The following PHTF2 variants were observed in gnomAD, a reference collection of about 807,000 sequenced individuals.
The protein encoded by PHTF2 is putative homeodomain transcription factor 2.
Under a neutral mutation model 101.2 loss-of-function variants are expected in PHTF2, and 60 were observed. The ratio of observed to expected loss-of-function variants is 0.59; its 90% CI spans 0.48 to 0.73. The LOEUF is 0.73. Ranked by LOEUF, PHTF2 falls within the 30% of genes least tolerant of loss-of-function variation. The pLI, the probability that PHTF2 is intolerant of heterozygous loss-of-function variation, is 0.00. For synonymous variants in PHTF2, 311 were observed against 307.3 expected (o/e 1.01, Z -0.13); for missense variants, 747 against 908.7 (o/e 0.82, Z 2.29).
exon 20 of PHTF2, chr7:77,956,772 C>CTAT (rs1807012929): frequency 6.6e-6 from 1 of 152,400 alleles, no homozygotes; most frequent in South Asian, 2.1e-4. Flanking sequence ...AAAGATGAAA[C>CTAT]TATTGTATCT....
At chr7:77,937,660 T>A (rs1355760358) in intron 12 of PHTF2, 50 bp from the exon 12 acceptor site, 15 of 700,618 alleles carry the variant, frequency 2.1e-5, no homozygotes, top group Non-Finnish European at 3.2e-5. Flanking sequence ...ACACACATTT[T>A]ATTTATTAAA....
intron 1 of PHTF2, among the ~76,000 whole-genome samples, chr7:77,807,559 G>A (rs1191767861): frequency 1.3e-5 from 2 of 151,992 alleles, no homozygotes; most frequent in African/African-American, 4.8e-5. Context: ...TTGATTTTTT[G>A]TTACTGAGTT....
rs536390503 is a variant in PHTF2 at position 77,886,884 on chromosome 7, A to C, written c.148-6724A>C. Among the ~76,000 whole-genome samples the C allele has an allele frequency of 3.3e-5, 5 of 152,058 alleles. No individual in the cohort carries two copies. In the East Asian group the frequency reaches 9.7e-4, roughly 30 times the overall value. ...AACATAAGGAGCTGTCACCTCTACA[A>C]GACATAAAAATTTAGCTGAGCAAGG... is the stretch of plus-strand genomic sequence containing the variant. On this transcript the variant is annotated intron_variant, in intron 3 of 19. Coordinates refer to ENST00000416283, the Ensembl canonical transcript of PHTF2.
intron 9 of PHTF2, among the ~76,000 whole-genome samples, chr7:77,911,349 T>C (rs997186768): frequency 6.6e-5 from 10 of 151,906 alleles, no homozygotes; most frequent in African/African-American, 2.4e-4. Context: ...ACTTACCAAA[T>C]AGGAAAATAT....
At chr7:77,890,599 CT>C (rs747882978) in intron 3 of PHTF2, among the ~76,000 whole-genome samples, 3,155 of 84,178 alleles carry the variant, frequency 0.037, 14 homozygotes, top group Middle Eastern at 0.083. Flanking sequence ...AATAGTTACA[CT>C]TTTTTTTTTT....
intron 11 of PHTF2, among the ~76,000 whole-genome samples, chr7:77,926,076 C>T (rs1803973873): frequency 6.7e-6 from 1 of 149,992 alleles, no homozygotes; most frequent in African/African-American, 2.5e-5. Flanking sequence ...AAAACAAAAA[C>T]CCACTTACTA....
intron 3 of PHTF2, among the ~76,000 whole-genome samples, chr7:77,889,419 A>G (rs1800160730): frequency 6.6e-6 from 1 of 152,156 alleles, no homozygotes; most frequent in Admixed American, 6.5e-5. Context: ...ATGTAAGGGT[A>G]ATTTGTTAAA....
intron 19 of PHTF2, among the ~76,000 whole-genome samples, chr7:77,954,638 A>ATATATATAT (rs1562982915): frequency 2.2e-5 from 3 of 139,090 alleles, no homozygotes; most frequent in African/African-American, 7.6e-5. Flanking sequence ...ATATATATAT[A>ATATATATAT]TATATATAGC....
exon 19 of PHTF2, chr7:77,953,808 A>G: frequency 6.2e-7 from 1 of 1,613,256 alleles, no homozygotes; most frequent in Non-Finnish European, 8.5e-7. Flanking sequence ...GCTTACAATG[A>G]ATCCGCTGCT....
At chr7:77,823,028 C>G (rs1375483358) in intron 1 of PHTF2, among the ~76,000 whole-genome samples, 1 of 151,342 alleles carries the variant, frequency 6.6e-6, no homozygotes. Context: ...CCTCAGCCTC[C>G]CGAGTAGCTG....
chr7:77,854,750 C>T (rs1169835522), exon 3 of PHTF2: 12 of 723,768 alleles, frequency 1.7e-5, no homozygotes, highest in Non-Finnish European at 2.8e-5. Context: ...TCTCTGTGGC[C>T]ACCACCGCCC....
chr7:77,852,635 A>G (rs1347965705), intron 2 of PHTF2, among the ~76,000 whole-genome samples: 1 of 152,204 alleles, frequency 6.6e-6, no homozygotes, highest in African/African-American at 2.4e-5. Flanking sequence ...TCACAAATAC[A>G]GTGTTACAAT....
intron 16 of PHTF2, among the ~76,000 whole-genome samples, chr7:77,948,663 A>G (rs973672738): frequency 2.0e-5 from 3 of 152,204 alleles, no homozygotes; most frequent in Admixed American, 6.5e-5. Context: ...AGGAAATTCA[A>G]TTACCAATAA....
rs146087445 is a variant in PHTF2 at position 77,906,613 on chromosome 7, C to G, written c.446-2180C>G. 8 of 152,322 alleles carry G rather than the reference C, an allele frequency of 5.3e-5. No individual in the cohort carries two copies. The East Asian group carries it at 1.5e-3, about 29-fold the overall frequency. 9.4% of individuals were successfully genotyped at this position (152,322 alleles called of 1,614,324 possible). On this transcript the variant is annotated intron_variant, in intron 7 of 19. Coordinates refer to ENST00000416283, the Ensembl canonical transcript of PHTF2. Reference sequence around the variant, plus strand: ...AAGAGTTCAGATAAATAACCAGCAACAGGTTATATAAAACCTAAAGTTTTA... The same window carrying G: ...AAGAGTTCAGATAAATAACCAGCAAGAGGTTATATAAAACCTAAAGTTTTA...
At chr7:77,834,408 A>G (rs557308992) in intron 1 of PHTF2, among the ~76,000 whole-genome samples, 1 of 151,862 alleles carries the variant, frequency 6.6e-6, no homozygotes, top group East Asian at 1.9e-4. Context: ...TAAACTGTTG[A>G]TTGGCTATAC....
At chr7:77,921,091 G>A (rs750738827) in intron 10 of PHTF2, among the ~76,000 whole-genome samples, 3 of 152,182 alleles carry the variant, frequency 2.0e-5, no homozygotes, top group African/African-American at 7.2e-5. Flanking sequence ...TGGAACATGC[G>A]AATAATTCAG....
At chr7:77,830,607 AT>A (rs1177919468) in intron 1 of PHTF2, among the ~76,000 whole-genome samples, 6 of 152,164 alleles carry the variant, frequency 3.9e-5, no homozygotes, top group Admixed American at 6.5e-5. Context: ...CTAATGCCTG[AT>A]TGTCTGAGGT....
chr7:77,842,064 CCT>C (rs1403642979), intron 2 of PHTF2, among the ~76,000 whole-genome samples: 1 of 152,014 alleles, frequency 6.6e-6, no homozygotes, highest in East Asian at 1.9e-4. Flanking sequence ...TGAAGTTAGC[CCT>C]GTAATTGAAA....
intron 2 of PHTF2, among the ~76,000 whole-genome samples, chr7:77,851,363 T>G (rs149469242): frequency 2.0e-5 from 3 of 152,138 alleles, no homozygotes; most frequent in Non-Finnish European, 4.4e-5. Context: ...AATTTGTCCA[T>G]TTCTTCTAGG....
Sources: gnomAD v4.1 joint callset for allele counts (sites outside exome capture counted in the v4.1 genomes callset) on GRCh38, gnomAD v4.1.1 for gene constraint, MANE v1.5 for transcripts, NCBI Gene and HGNC (gene_info 2026-07-23, HGNC 2026-07-21) for gene names.